The following ARMC3 variants were observed in gnomAD, a reference collection of about 807,000 sequenced individuals.
The protein encoded by ARMC3 is armadillo repeat-containing protein 3.
ARMC3 carries 74 observed loss-of-function variants against 90.3 expected under a neutral mutation model. The ratio of observed to expected loss-of-function variants is 0.82; its 90% CI spans 0.68 to 0.99. ARMC3 has a LOEUF of 0.99. ARMC3 is among the 50% of genes least tolerant of loss of function. The pLI is 0.00. For synonymous variants in ARMC3, 334 were observed against 361.8 expected (o/e 0.92, Z 0.87); for missense variants, 958 against 1,042.8 (o/e 0.92, Z 1.12).
chr10:23,001,956 T>C lies in ARMC3; in HGVS notation c.1463T>C (p.Leu488Pro). The change falls in exon 12 of 19, where the codon CTG becomes CCG. Residue 488 changes from leucine to proline, a missense_variant. Coordinates refer to ENST00000298032, the MANE Select transcript of ARMC3 (RefSeq NM_173081.5). ...GGTGGATTGGAGCCCCTGGTAGAGC[T>C]GCTACGCTCCAAGAATGATGAAGTG... ...NSGGLEPLVE[L>P]LRSKNDEVRK... is the part of the protein sequence containing the mutation. The C allele has an allele frequency of 6.2e-7, 1 of 1,613,946 alleles. No individual in the cohort carries two copies. The highest frequency in any genetic ancestry group is 8.5e-7 in the Non-Finnish European group (1 of 1,179,830).
intron 16 of ARMC3, among the ~76,000 whole-genome samples, chr10:23,013,853 C>A (rs185686613): frequency 4.9e-4 from 68 of 138,648 alleles, no homozygotes; most frequent in African/African-American, 1.9e-3. Flanking sequence ...TCTGGGACCA[C>A]GCTTTTTTTT....
chr10:22,959,372 C>A, intron 5 of ARMC3, 27 bp from the exon 6 acceptor site: 1 of 1,577,284 alleles, frequency 6.3e-7, no homozygotes, highest in Non-Finnish European at 8.6e-7. Flanking sequence ...AGTTGGCATA[C>A]TTGTGTTATT....
At chr10:22,989,072 G>A (rs187357929) in intron 10 of ARMC3, among the ~76,000 whole-genome samples, 96 of 152,298 alleles carry the variant, frequency 6.3e-4, no homozygotes, top group African/African-American at 2.3e-3. Flanking sequence ...CCTAGTGGCC[G>A]ATTAGGAGGA....
At chr10:23,018,276 C>T (rs533996505) in intron 16 of ARMC3, among the ~76,000 whole-genome samples, 3 of 152,280 alleles carry the variant, frequency 2.0e-5, no homozygotes, top group African/African-American at 7.2e-5. Flanking sequence ...TCTGTGGTCA[C>T]AGCTGGGGTT....
intron 16 of ARMC3, 124 bp from the exon 17 acceptor site, chr10:23,030,472 A>C: frequency 6.9e-7 from 1 of 1,453,762 alleles, no homozygotes; most frequent in African/African-American, 1.4e-5. Context: ...ACACAGTTCA[A>C]TCTCATGTTG....
chr10:23,014,392 G>A, intron 16 of ARMC3: 21 of 1,201,874 alleles, frequency 1.7e-5, no homozygotes, highest in East Asian at 3.6e-5. Flanking sequence ...CTGTTGTCCT[G>A]TTGCCTGTCT....
At chr10:22,974,461 A>C (rs1307123896) in intron 8 of ARMC3, among the ~76,000 whole-genome samples, 1 of 152,078 alleles carries the variant, frequency 6.6e-6, no homozygotes, top group Non-Finnish European at 1.5e-5. Context: ...TTATTTTTCT[A>C]TGCTGTTCAT....
At position 23,032,900 on chromosome 10, in the gene ARMC3, G is replaced by A; in HGVS notation, c.2286G>A (p.Glu762=). The change falls in exon 18 of 19, where the codon GAG becomes GAA. Residue 762 remains glutamate (E), a synonymous_variant. Coordinates refer to ENST00000298032, the MANE Select transcript of ARMC3 (RefSeq NM_173081.5). The part of the protein sequence containing the change: ...AEKMGGKIPK[E]KLPDFSWELH... ...AAATGGGTGGTAAGATTCCAAAAGA[G>A]AAACTACCTGATTTCAGCTGGGAAC... 1 of 1,612,812 alleles carries A rather than the reference G, an allele frequency of 6.2e-7. No individual in the cohort carries two copies. Among genetic ancestry groups the A allele is most frequent in the East Asian group, 2.2e-5 (1 of 44,696 alleles).
Position 23,006,417 on chromosome 10 carries a change from A to C in ARMC3, c.1732-467A>C, listed in dbSNP as rs565770609. Among the ~76,000 whole-genome samples the C allele has an allele frequency of 3.3e-5, 5 of 152,320 alleles. No homozygotes were observed. The South Asian group carries it at 1.0e-3, about 32-fold the overall frequency. The stretch of plus-strand genomic sequence containing the variant: ...TGAGAAAGGGATTCAACTATAACTT[A>C]ATTGGAAAAAGATCTCAAAAGTGAT... On this transcript the variant is annotated intron_variant, in intron 13 of 18. Transcript: ENST00000298032.
intron 18 of ARMC3, among the ~76,000 whole-genome samples, chr10:23,036,305 T>G (rs1157443389): frequency 1.3e-5 from 2 of 152,218 alleles, no homozygotes; most frequent in African/African-American, 4.8e-5. Flanking sequence ...AACCATGTCT[T>G]AATCATCATG....
intron 10 of ARMC3, among the ~76,000 whole-genome samples, chr10:22,994,717 T>C (rs1423106432): frequency 6.6e-6 from 1 of 152,094 alleles, no homozygotes; most frequent in Non-Finnish European, 1.5e-5. Context: ...AGGAGATTAT[T>C]TATATCAACC....
At chr10:23,005,707 T>C (rs1011821774) in intron 13 of ARMC3, among the ~76,000 whole-genome samples, 3 of 151,824 alleles carry the variant, frequency 2.0e-5, no homozygotes, top group African/African-American at 7.3e-5. Context: ...CTACTAAAAA[T>C]ACAAGAATTA....
At position 23,037,660 on chromosome 10, in the gene ARMC3, C is replaced by A; in HGVS notation, c.*181C>A. On this transcript the variant is annotated 3_prime_UTR_variant, in exon 19 of 19. Coordinates refer to ENST00000298032, the MANE Select transcript of ARMC3 (RefSeq NM_173081.5). ...ACTTTGCTGTGCTTCTGATTTCAGG[C>A]TTTTGGCAAGAGTTCTGTCTTATTA... 1.7e-6 allele frequency: 1 copy of A among 602,100 alleles called. No individual in the cohort carries two copies. Among genetic ancestry groups the A allele is most frequent in the Non-Finnish European group, 2.7e-6 (1 of 371,912 alleles). 37.3% of individuals were successfully genotyped at this position (602,100 alleles called of 1,614,324 possible). A position where few individuals can be genotyped will look rare whatever the true frequency, so the allele number is the denominator to read the frequency against.
At chr10:23,022,833 C>A (rs976565411) in intron 16 of ARMC3, among the ~76,000 whole-genome samples, 1 of 152,092 alleles carries the variant, frequency 6.6e-6, no homozygotes, top group African/African-American at 2.4e-5. Context: ...CTGGAGTGGC[C>A]AGAAGGGACC....
rs564334926 is a variant in ARMC3, at chr10:22,940,288, C to T, written c.49-5856C>T. On this transcript the variant is annotated intron_variant, in intron 2 of 18. Transcript: ENST00000298032. Reference sequence around the variant, plus strand: ...ATACATGATGGCAAAAAAGGCTATGCGATAGCATAAGAAACAATGAAATAC... The same window carrying T: ...ATACATGATGGCAAAAAAGGCTATGTGATAGCATAAGAAACAATGAAATAC... Among the ~76,000 whole-genome samples the T allele has an allele frequency of 2.2e-4, 33 of 152,174 alleles. No individual in the cohort carries two copies. The East Asian group carries it at 4.3e-3, about 20-fold the overall frequency.
At chr10:22,983,769 G>A (rs1391119569) in intron 10 of ARMC3, among the ~76,000 whole-genome samples, 4 of 152,138 alleles carry the variant, frequency 2.6e-5, no homozygotes, top group Admixed American at 6.6e-5. Context: ...GAATGAACAC[G>A]AATAAACCAC....
chr10:22,945,291 C>T (rs1834482747), intron 2 of ARMC3, among the ~76,000 whole-genome samples: 1 of 152,120 alleles, frequency 6.6e-6, no homozygotes, highest in Non-Finnish European at 1.5e-5. Context: ...CCAGCTAAAG[C>T]TTTGAAATAC....
At chr10:22,988,322 C>A (rs1836549971) in intron 10 of ARMC3, among the ~76,000 whole-genome samples, 1 of 152,130 alleles carries the variant, frequency 6.6e-6, no homozygotes. Flanking sequence ...AGTGCTTCAA[C>A]AAAAATCAGT....
chr10:22,955,732 T>C, intron 3 of ARMC3, 75 bp from the exon 4 acceptor site: 1 of 1,524,886 alleles, frequency 6.6e-7, no homozygotes, highest in Non-Finnish European at 8.8e-7. Flanking sequence ...AAATAAGAAA[T>C]TGGAATGGCA....
Sources: allele counts gnomAD v4.1 joint callset (sites outside exome capture counted in the v4.1 genomes callset), GRCh38; gene constraint gnomAD v4.1.1; transcripts MANE v1.5; gene names NCBI Gene and HGNC (gene_info 2026-07-23, HGNC 2026-07-21).